The following RAP1GDS1 variants were observed in gnomAD, a reference collection of about 807,000 sequenced individuals.
RAP1GDS1 encodes the protein RAP1, GTP-GDP dissociation stimulator 1.
In RAP1GDS1, 35 loss-of-function variants were observed where a neutral mutation model predicts 71.1. The observed-to-expected ratio is 0.49, with a 90% CI of 0.38 to 0.65. The LOEUF (loss-of-function observed/expected upper bound fraction) is 0.65. Among genes scored for constraint, RAP1GDS1 ranks in the 30% least tolerant of loss-of-function variants. The pLI is 0.00. For missense variants in RAP1GDS1, 663 were observed against 706.1 expected (o/e 0.94, Z 0.69); for synonymous variants, 229 against 243.1 (o/e 0.94, Z 0.54).
chr4:98,285,783 TAATG>T (rs1725872631), intron 1 of RAP1GDS1, among the ~76,000 whole-genome samples: 2 of 148,050 alleles, frequency 1.4e-5, no homozygotes, highest in African/African-American at 4.9e-5. Context: ...ATAATTATAA[TAATG>T]GGCACTTTTT....
At chr4:98,439,453 G>A (rs1246153735) in intron 14 of RAP1GDS1, among the ~76,000 whole-genome samples, 7 of 152,178 alleles carry the variant, frequency 4.6e-5, no homozygotes, top group African/African-American at 1.4e-4. Flanking sequence ...ATAGGTTTAT[G>A]TCTTTTGCTA....
At chr4:98,397,474 T>A (rs1744710543) in intron 6 of RAP1GDS1, among the ~76,000 whole-genome samples, 1 of 151,570 alleles carries the variant, frequency 6.6e-6, no homozygotes, top group Admixed American at 6.6e-5. Context: ...CCCGACCCAC[T>A]CTCTAAAAAC....
At chr4:98,288,109 C>A (rs1471336403) in intron 1 of RAP1GDS1, among the ~76,000 whole-genome samples, 1 of 151,956 alleles carries the variant, frequency 6.6e-6, no homozygotes, top group Non-Finnish European at 1.5e-5. Flanking sequence ...TATACATGTG[C>A]CATGTTGGTG....
chr4:98,352,461 GTC>G lies in RAP1GDS1; in HGVS notation c.236-11_236-10del, dbSNP rs1185118809. On this transcript the variant is annotated splice_polypyrimidine_tract_variant and intron_variant, in intron 3 of 14. Coordinates refer to ENST00000408927, the MANE Select transcript of RAP1GDS1 (RefSeq NM_001100427.2). The stretch of plus-strand genomic sequence containing the variant: ...AATCGTTAGATTTTTAATTAAACAT[GTC>G]TCTTATTTTCAGAGTTTATGCGAAT... The G allele has an allele frequency of 6.2e-7, 1 of 1,610,132 alleles. No individual in the cohort carries two copies. Among genetic ancestry groups the G allele is most frequent in the African/African-American group, 1.3e-5 (1 of 74,812 alleles).
At chr4:98,369,414 A>G (rs1415767131) in intron 4 of RAP1GDS1, among the ~76,000 whole-genome samples, 1 of 152,328 alleles carries the variant, frequency 6.6e-6, no homozygotes, top group African/African-American at 2.4e-5. Context: ...TTATGCGTGA[A>G]TGTTCAATGC....
At chr4:98,277,677 A>G (rs1338527031) in intron 1 of RAP1GDS1, among the ~76,000 whole-genome samples, 1 of 152,150 alleles carries the variant, frequency 6.6e-6, no homozygotes, top group Non-Finnish European at 1.5e-5. Context: ...TCATTCAGTG[A>G]TGTAGTTCTA....
chr4:98,323,888 C>T (rs1732442630), intron 2 of RAP1GDS1, among the ~76,000 whole-genome samples: 1 of 142,530 alleles, frequency 7.0e-6, no homozygotes, highest in South Asian at 2.3e-4. Context: ...TCTCTCACCA[C>T]TCCTATTCAA....
intron 2 of RAP1GDS1, among the ~76,000 whole-genome samples, chr4:98,313,804 G>A (rs1730590216): frequency 6.6e-6 from 1 of 152,030 alleles, no homozygotes; most frequent in Admixed American, 6.6e-5. Context: ...CCATGATCAT[G>A]CCACTGCACT....
At chr4:98,395,656 C>G (rs1380807915) in intron 6 of RAP1GDS1, among the ~76,000 whole-genome samples, 5 of 152,182 alleles carry the variant, frequency 3.3e-5, no homozygotes, top group African/African-American at 9.6e-5. Context: ...TCGGTCAGCT[C>G]TGTTAACCAA....
chr4:98,381,941 C>T (rs1578667068), intron 5 of RAP1GDS1, among the ~76,000 whole-genome samples: 1 of 151,624 alleles, frequency 6.6e-6, no homozygotes, highest in East Asian at 1.9e-4. Flanking sequence ...CTTAGAATGT[C>T]TTGATTCAGA....
At chr4:98,293,753 A>AC (rs1727304041) in intron 2 of RAP1GDS1, among the ~76,000 whole-genome samples, 1 of 152,098 alleles carries the variant, frequency 6.6e-6, no homozygotes, top group Non-Finnish European at 1.5e-5. Flanking sequence ...ATGGGTGGTG[A>AC]TGACATTAAT....
intron 4 of RAP1GDS1, among the ~76,000 whole-genome samples, chr4:98,355,802 A>G (rs879514940): frequency 3.3e-5 from 5 of 152,162 alleles, no homozygotes; most frequent in Non-Finnish European, 4.4e-5. Flanking sequence ...AAACGGCCTT[A>G]TATAATCCTG....
Position 98,276,453 on chromosome 4 carries a change from G to A in RAP1GDS1, c.4+14884G>A, listed in dbSNP as rs1724211875. Among the ~76,000 whole-genome samples, 4 of 150,256 alleles carry A rather than the reference G, an allele frequency of 2.7e-5. No homozygotes were observed. The South Asian group carries it at 8.4e-4, about 32-fold the overall frequency. ...CAAACTCAAATGTAACTGATTAAAG[G>A]TAATTAAATGGTGATTTTTTTTTAC... On this transcript the variant is annotated intron_variant, in intron 1 of 14. Transcript: ENST00000408927.
intron 7 of RAP1GDS1, among the ~76,000 whole-genome samples, chr4:98,411,438 G>A (rs1277646203): frequency 6.6e-6 from 1 of 151,160 alleles, no homozygotes; most frequent in African/African-American, 2.4e-5. Context: ...AACACAGCAA[G>A]ACCCTGTCTC....
At chr4:98,431,802 ATAT>A (rs1313018639) in intron 12 of RAP1GDS1, among the ~76,000 whole-genome samples, 1 of 152,232 alleles carries the variant, frequency 6.6e-6, no homozygotes, top group African/African-American at 2.4e-5. Flanking sequence ...GTTGCCATCA[ATAT>A]TATTCTGTCA....
intron 5 of RAP1GDS1, chr4:98,387,437 T>C (rs778295194): frequency 2.2e-6 from 1 of 456,010 alleles, no homozygotes; most frequent in African/African-American, 2.0e-5. Flanking sequence ...TCTCTCCAGA[T>C]CTCCATTCTT....
At chr4:98,436,003 G>A (rs1361860086) in intron 13 of RAP1GDS1, among the ~76,000 whole-genome samples, 1 of 151,192 alleles carries the variant, frequency 6.6e-6, no homozygotes, top group Non-Finnish European at 1.5e-5. Context: ...CCCAGGAGGC[G>A]GAGCTTGCAG....
rs547277647 is a variant in RAP1GDS1, at chr4:98,352,537, T to A, written c.297T>A (p.Asn99Lys). 6.2e-7 allele frequency: 1 copy of A among 1,614,076 alleles called. No individual in the cohort carries two copies. The highest frequency in any genetic ancestry group is 2.2e-5 in the East Asian group (1 of 44,870). The change falls in exon 4 of 15, where the codon AAT (asparagine) becomes AAA (lysine). Residue 99 changes from asparagine to lysine, a missense_variant. Coordinates refer to ENST00000408927, the MANE Select transcript of RAP1GDS1 (RefSeq NM_001100427.2). Reference sequence around the variant, plus strand: ...TTTCACCACTGGTGCAGCTGCTAAATAGCAAAGACCAGGAAGTGCTGCTTC... The same window carrying A: ...TTTCACCACTGGTGCAGCTGCTAAAAAGCAAAGACCAGGAAGTGCTGCTTC... Reference protein sequence around the residue: ...GLISPLVQLLNSKDQEVLLQT... With the variant: ...GLISPLVQLLKSKDQEVLLQT...
intron 7 of RAP1GDS1, among the ~76,000 whole-genome samples, chr4:98,411,339 G>C (rs1422975326): frequency 3.3e-5 from 5 of 152,164 alleles, no homozygotes; most frequent in Non-Finnish European, 7.3e-5. Context: ...ATTTAGGCTG[G>C]GAGTGATGGC....
Sources: gnomAD v4.1 joint callset for allele counts (sites outside exome capture counted in the v4.1 genomes callset) on GRCh38, gnomAD v4.1.1 for gene constraint, MANE v1.5 for transcripts, NCBI Gene and HGNC (gene_info 2026-07-23, HGNC 2026-07-21) for gene names.